Variants in SPMIP4 observed in about 807,000 individuals in gnomAD.
SPMIP4 encodes the protein sperm-associated microtubule inner protein 4.
chr7:25,134,375 C>A, the SPMIP4 span, among the ~76,000 whole-genome samples: 935 of 134,464 alleles, frequency 7.0e-3, 8 homozygotes, highest in African/African-American at 0.024. Flanking sequence ...AAACAAAAAA[C>A]ACACACACAC....
At chr7:25,141,862 T>A in the SPMIP4 span, among the ~76,000 whole-genome samples, 1 of 152,050 alleles carries the variant, frequency 6.6e-6, no homozygotes, top group Non-Finnish European at 1.5e-5. Flanking sequence ...CTCAGCCTCC[T>A]GAGCAGCTGG....
the SPMIP4 span, among the ~76,000 whole-genome samples, chr7:25,156,502 G>T: frequency 6.6e-6 from 1 of 152,106 alleles, no homozygotes; most frequent in African/African-American, 2.4e-5. Flanking sequence ...AAAAAACCTA[G>T]AAGTTAATTT....
the SPMIP4 span, among the ~76,000 whole-genome samples, chr7:25,126,520 T>C: frequency 2.6e-5 from 4 of 152,196 alleles, no homozygotes; most frequent in Non-Finnish European, 5.9e-5. Context: ...GATGACAACA[T>C]AACATTGATT....
the SPMIP4 span, among the ~76,000 whole-genome samples, chr7:25,145,036 C>T: frequency 9.9e-3 from 1,496 of 150,638 alleles, 10 homozygotes; most frequent in Admixed American, 0.017. Flanking sequence ...GATCTCGGCT[C>T]ACTACAACCT....
chr7:25,168,503 A>G, the SPMIP4 span: 66 of 1,501,216 alleles, frequency 4.4e-5, no homozygotes, highest in Non-Finnish European at 7.1e-6. Flanking sequence ...CCTCAGCAAC[A>G]TAACAGATGC....
At chr7:25,144,411 G>A in the SPMIP4 span, among the ~76,000 whole-genome samples, 4 of 152,166 alleles carry the variant, frequency 2.6e-5, no homozygotes, top group African/African-American at 4.8e-5. Context: ...CACCCTGACT[G>A]CTTTCTTCTT....
At chr7:25,163,286 T>C in the SPMIP4 span, among the ~76,000 whole-genome samples, 2 of 152,252 alleles carry the variant, frequency 1.3e-5, no homozygotes, top group African/African-American at 4.8e-5. This position sits in a 1 kb window ranked among gnomAD's most constrained non-coding sequence, Gnocchi z 4.4. Flanking sequence ...GGATACATAG[T>C]ATTAGGCAAT....
the SPMIP4 span, chr7:25,155,273 T>C: frequency 3.9e-6 from 5 of 1,290,410 alleles, no homozygotes; most frequent in South Asian, 8.3e-5. Flanking sequence ...CAAAAATTTA[T>C]TGGGACCCTT....
chr7:25,153,233 A>G, the SPMIP4 span, among the ~76,000 whole-genome samples: 200 of 152,200 alleles, frequency 1.3e-3, 1 homozygote, highest in African/African-American at 4.7e-3. Context: ...TAAGATGACA[A>G]CTTGTTTTTT....
the SPMIP4 span, among the ~76,000 whole-genome samples, chr7:25,144,894 C>T: frequency 6.6e-6 from 1 of 152,094 alleles, no homozygotes; most frequent in African/African-American, 2.4e-5. Flanking sequence ...ATAAAGAAAG[C>T]CCCTTTTGAT....
the SPMIP4 span, among the ~76,000 whole-genome samples, chr7:25,146,116 C>A: frequency 6.6e-6 from 1 of 152,080 alleles, no homozygotes; most frequent in Admixed American, 6.5e-5. Context: ...TATGATAAGG[C>A]ACTTCGTTCA....
At chr7:25,136,083 T>C in the SPMIP4 span, 3 of 1,614,166 alleles carry the variant, frequency 1.9e-6, no homozygotes, top group Admixed American at 5.0e-5. The surrounding 1 kb of genome is among the most constrained non-coding windows in gnomAD (Gnocchi z 5.7). Context: ...GGAAACGCTT[T>C]TGTGCACCAG....
At chr7:25,135,662 G>A in the SPMIP4 span, 1 of 829,512 alleles carries the variant, frequency 1.2e-6, no homozygotes, top group South Asian at 5.0e-5. Flanking sequence ...TGTAAACTTT[G>A]TTGTACACAT....
At chr7:25,136,301 CAG>C in the SPMIP4 span, 2 of 1,614,174 alleles carry the variant, frequency 1.2e-6, no homozygotes, top group East Asian at 2.2e-5. This position sits in a 1 kb window ranked among gnomAD's most constrained non-coding sequence, Gnocchi z 5.7. Flanking sequence ...CTAAGGCTAA[CAG>C]GGTCTGGACA....
the SPMIP4 span, among the ~76,000 whole-genome samples, chr7:25,172,827 A>C: frequency 6.6e-6 from 1 of 152,232 alleles, no homozygotes; most frequent in South Asian, 2.1e-4. This position sits in a 1 kb window ranked among gnomAD's most constrained non-coding sequence, Gnocchi z 4.2. Context: ...TTGATATAGA[A>C]TTCTAGAACT....
chr7:25,164,630 A>G, the SPMIP4 span, among the ~76,000 whole-genome samples: 1 of 152,112 alleles, frequency 6.6e-6, no homozygotes, highest in Non-Finnish European at 1.5e-5. Context: ...TATTATTTAT[A>G]AAAGCATTTT....
the SPMIP4 span, chr7:25,168,596 A>T: frequency 1.4e-6 from 1 of 723,990 alleles, no homozygotes; most frequent in African/African-American, 1.8e-5. Context: ...CAGAATTCTC[A>T]GTGTCAGGTA....
chr7:25,144,190 T>G, the SPMIP4 span, among the ~76,000 whole-genome samples: 1 of 152,196 alleles, frequency 6.6e-6, no homozygotes, highest in African/African-American at 2.4e-5. Context: ...AAAGTACAAA[T>G]GGAAGTCTGT....
the SPMIP4 span, among the ~76,000 whole-genome samples, chr7:25,133,674 T>C: frequency 3.9e-5 from 6 of 152,218 alleles, no homozygotes; most frequent in Non-Finnish European, 8.8e-5. Context: ...GTAAATAGCT[T>C]TTAAAAATTA....
Sources: gnomAD v4.1 joint callset for allele counts (sites outside exome capture counted in the v4.1 genomes callset) on GRCh38, gnomAD v4.1.1 for gene constraint, Gnocchi (gnomAD v3.1) non-coding constraint, MANE v1.5 for transcripts, NCBI Gene and HGNC (gene_info 2026-07-23, HGNC 2026-07-21) for gene names.